ADGRB3: variants seen among roughly 807,000 people sequenced by gnomAD.
ADGRB3 encodes adhesion G protein-coupled receptor B3.
Under a neutral mutation model 193.4 loss-of-function variants are expected in ADGRB3, and 37 were observed. That is an observed-to-expected ratio of 0.19 (90% CI 0.15 to 0.25). The LOEUF (loss-of-function observed/expected upper bound fraction) is 0.25. Ranked by LOEUF, ADGRB3 falls within the 10% of genes least tolerant of loss-of-function variation. The pLI is 1.00. For synonymous variants in ADGRB3, 690 were observed against 644.2 expected (o/e 1.07, Z -1.08); for missense variants, 1,637 against 1,852.9 (o/e 0.88, Z 2.14).
chr6:69,116,879 C>G (rs1351707625), intron 17 of ADGRB3, among the ~76,000 whole-genome samples: 1 of 152,170 alleles, frequency 6.6e-6, no homozygotes, highest in Non-Finnish European at 1.5e-5. Flanking sequence ...TTCATTAGTG[C>G]CTGCCAACGG....
At chr6:68,802,920 T>C (rs932692857) in intron 3 of ADGRB3, among the ~76,000 whole-genome samples, 2 of 152,196 alleles carry the variant, frequency 1.3e-5, no homozygotes, top group African/African-American at 4.8e-5. Context: ...ATTTCAAACC[T>C]CTTCATATGG....
chr6:69,065,231 T>C (rs1019913820), intron 16 of ADGRB3, among the ~76,000 whole-genome samples: 3 of 152,034 alleles, frequency 2.0e-5, no homozygotes, highest in Non-Finnish European at 2.9e-5. Context: ...AAAAAGTGGA[T>C]GGGGAGAGGA....
chr6:69,348,813 C>T (rs1341484324), intron 26 of ADGRB3, among the ~76,000 whole-genome samples: 1 of 152,196 alleles, frequency 6.6e-6, no homozygotes, highest in East Asian at 1.9e-4. Flanking sequence ...AAGGTTCAAA[C>T]TGAAAACTTA....
chr6:68,697,033 A>G (rs1765170087), intron 3 of ADGRB3, among the ~76,000 whole-genome samples: 1 of 152,024 alleles, frequency 6.6e-6, no homozygotes, highest in African/African-American at 2.4e-5. Context: ...AAAGAATTCT[A>G]AGAAGATGCT....
At position 69,063,032 on chromosome 6, in the gene ADGRB3, C is replaced by T. The variant is rs1414008410; in HGVS notation, c.2432C>T (p.Ala811Val). 1.2e-6 allele frequency: 2 copies of T among 1,608,804 alleles called. No homozygotes were observed. The highest frequency in any genetic ancestry group is 1.3e-5 in the African/African-American group (1 of 74,744). Residue 811 changes from alanine to valine, a missense_variant, in exon 16 of 32, where the codon GCT becomes GTT. Physicochemically the swap from Ala to Val is moderately conservative, Grantham distance 64. Around this residue, in one of 7 missense-constraint regions of ADGRB3, gnomAD observed 641 missense variants for 673.9 expected, o/e 0.95. Coordinates refer to ENST00000370598, the MANE Select transcript of ADGRB3 (RefSeq NM_001704.3). ...CTGGAGATAGAACTAGCTCATTTGG[C>T]TAATGTAAGTACCATCCACTGGGCA... ...SFLEIELAHL[A>V]NGTLNPYCVL...
chr6:69,346,494 T>G (rs1201186804), intron 26 of ADGRB3, among the ~76,000 whole-genome samples: 1 of 152,226 alleles, frequency 6.6e-6, no homozygotes, highest in Admixed American at 6.5e-5. Context: ...TACAAGGAAC[T>G]TAAACAAATT....
At chr6:69,204,509 G>T (rs1765495161) in intron 17 of ADGRB3, among the ~76,000 whole-genome samples, 1 of 152,098 alleles carries the variant, frequency 6.6e-6, no homozygotes. Context: ...AGTGGTTAAG[G>T]CATTGGACTT....
At chr6:69,075,473 C>T (rs548493200) in intron 16 of ADGRB3, among the ~76,000 whole-genome samples, 15 of 152,202 alleles carry the variant, frequency 9.9e-5, no homozygotes, top group Non-Finnish European at 2.1e-4. Context: ...TCCTATACAA[C>T]CATGATATGC....
At chr6:68,845,629 G>A (rs1198811541) in intron 3 of ADGRB3, among the ~76,000 whole-genome samples, 1 of 152,086 alleles carries the variant, frequency 6.6e-6, no homozygotes, top group Non-Finnish European at 1.5e-5. Flanking sequence ...GAGATCTGAT[G>A]GGTTTATCAG....
intron 3 of ADGRB3, among the ~76,000 whole-genome samples, chr6:68,789,822 T>C (rs1185085624): frequency 6.6e-6 from 1 of 152,210 alleles, no homozygotes; most frequent in Non-Finnish European, 1.5e-5. Flanking sequence ...TTTCACATAG[T>C]CCCATATTTC....
chr6:68,857,868 C>A (rs1213829958), intron 3 of ADGRB3, among the ~76,000 whole-genome samples: 3 of 151,928 alleles, frequency 2.0e-5, no homozygotes, highest in African/African-American at 4.8e-5. Flanking sequence ...TGGGAGAGAC[C>A]CAGTGGGAGA....
chr6:69,060,214 C>CTCTCTT (rs1771696501), intron 15 of ADGRB3, among the ~76,000 whole-genome samples: 1 of 138,106 alleles, frequency 7.2e-6, no homozygotes, highest in African/African-American at 2.7e-5. Context: ...CTGTCTCTCT[C>CTCTCTT]TCTCTTTCTC....
intron 3 of ADGRB3, among the ~76,000 whole-genome samples, chr6:68,730,178 A>G (rs1386378518): frequency 6.6e-6 from 1 of 151,692 alleles, no homozygotes; most frequent in Non-Finnish European, 1.5e-5. Flanking sequence ...TTAAATGTAC[A>G]GTAAATTAAT....
intron 11 of ADGRB3, among the ~76,000 whole-genome samples, chr6:69,006,906 A>C (rs1033799978): frequency 1.3e-5 from 2 of 151,938 alleles, no homozygotes; most frequent in East Asian, 3.9e-4. Flanking sequence ...CATCCCACTC[A>C]GCTCTAGTCA....
intron 3 of ADGRB3, among the ~76,000 whole-genome samples, chr6:68,900,284 T>C (rs751866104): frequency 6.6e-6 from 1 of 152,188 alleles, no homozygotes; most frequent in African/African-American, 2.4e-5. Flanking sequence ...ACCTTATTTC[T>C]GAGAATGTGC....
chr6:69,356,099 G>T (rs1769332735), intron 28 of ADGRB3, among the ~76,000 whole-genome samples: 1 of 152,054 alleles, frequency 6.6e-6, no homozygotes, highest in Non-Finnish European at 1.5e-5. Context: ...TGTAGTCTTG[G>T]GCAGCAGCAA....
rs552350612 is a variant in ADGRB3, at chr6:68,906,087, T to TC, written c.758-24471dup. Among the ~76,000 whole-genome samples, 10 of 152,128 alleles carry TC rather than the reference T, an allele frequency of 6.6e-5. No homozygotes were observed. In the South Asian group the frequency reaches 2.1e-3, roughly 32 times the overall value. On this transcript the variant is annotated intron_variant, in intron 3 of 31. Transcript: ENST00000370598. ...AAATACCACAAGTTTCTTTTTTTTT[T>TC]CTTTTTGGTTCTTTTCACTGTCTTT...
intron 15 of ADGRB3, among the ~76,000 whole-genome samples, chr6:69,052,704 AAT>A (rs1166177645): frequency 6.6e-6 from 1 of 152,146 alleles, no homozygotes; most frequent in Non-Finnish European, 1.5e-5. Context: ...TCTTAGCCCT[AAT>A]ATACATTCAA....
At chr6:69,361,767 G>A (rs78417244) in intron 29 of ADGRB3, among the ~76,000 whole-genome samples, 102 of 150,888 alleles carry the variant, frequency 6.8e-4, no homozygotes, top group African/African-American at 2.4e-3. Flanking sequence ...TATTTAAAAA[G>A]ATACTAATCA....
Sources: allele counts gnomAD v4.1 joint callset (sites outside exome capture counted in the v4.1 genomes callset), GRCh38; gene constraint gnomAD v4.1.1; regional missense constraint gnomAD v4.1.1; transcripts MANE v1.5; gene names NCBI Gene and HGNC (gene_info 2026-07-23, HGNC 2026-07-21).